Variants in MED15 observed in about 807,000 individuals in gnomAD.
MED15 encodes the protein mediator of RNA polymerase II transcription subunit 15.
MED15 carries 41 observed loss-of-function variants against 118.7 expected under a neutral mutation model. The ratio of observed to expected loss-of-function variants is 0.35; its 90% CI spans 0.27 to 0.45. The LOEUF (loss-of-function observed/expected upper bound fraction) is 0.45. Among genes scored for constraint, MED15 ranks in the 20% least tolerant of loss-of-function variants. MED15 has a pLI of 1.00. For synonymous variants in MED15, 436 were observed against 413.9 expected (o/e 1.05, Z -0.65); for missense variants, 740 against 1,025.5 (o/e 0.72, Z 3.80).
At chr22:20,548,767 G>A (rs2055655276) in intron 2 of MED15, among the ~76,000 whole-genome samples, 1 of 152,150 alleles carries the variant, frequency 6.6e-6, no homozygotes, top group Admixed American at 6.5e-5. Flanking sequence ...TGAGGCACTT[G>A]TGCAAGATTT....
At chr22:20,552,055 A>C (rs569023290) in intron 3 of MED15, among the ~76,000 whole-genome samples, 4 of 152,164 alleles carry the variant, frequency 2.6e-5, no homozygotes, top group Non-Finnish European at 4.4e-5. Flanking sequence ...ATGAGTTGTC[A>C]TTGCATCCTA....
At chr22:20,535,563 CTT>C (rs574158276) in intron 1 of MED15, among the ~76,000 whole-genome samples, 23 of 144,384 alleles carry the variant, frequency 1.6e-4, no homozygotes, top group Non-Finnish European at 9.2e-5. Context: ...TGCTTTCTTT[CTT>C]TTTTTTTTTT....
intron 1 of MED15, among the ~76,000 whole-genome samples, chr22:20,511,382 C>T (rs1391902241): frequency 2.0e-5 from 3 of 151,818 alleles, no homozygotes; most frequent in Non-Finnish European, 2.9e-5. Flanking sequence ...GTCCCAGCTA[C>T]TCTGGAGGCT....
In MED15 at chr22:20,566,802, A is replaced by G. The variant is rs762425492; in HGVS notation, c.1026A>G (p.Gln342=). 4 of 1,613,470 alleles carry G rather than the reference A, an allele frequency of 2.5e-6. No homozygotes were observed. Among genetic ancestry groups the G allele is most frequent in the East Asian group, 4.5e-5 (2 of 44,876 alleles). ...TCCCTGGACAAATGTTGTATACCCAACCACCACTGAAATTTGTGAGTACCT... is the reference window on the plus strand; with the variant it reads ...TCCCTGGACAAATGTTGTATACCCAGCCACCACTGAAATTTGTGAGTACCT... ...QALPGQMLYT[Q]PPLKFVRAPM... The change falls in exon 7 of 18, where the codon CAA becomes CAG. Residue 342 remains glutamine, a synonymous_variant. Transcript: ENST00000263205.
intron 9 of MED15, among the ~76,000 whole-genome samples, chr22:20,575,552 G>A (rs2056798227): frequency 6.6e-6 from 1 of 152,008 alleles, no homozygotes; most frequent in Non-Finnish European, 1.5e-5. Context: ...TAGCCACTAA[G>A]CATGTGTGGC....
At chr22:20,521,010 G>A (rs576056185) in intron 1 of MED15, among the ~76,000 whole-genome samples, 1 of 151,402 alleles carries the variant, frequency 6.6e-6, no homozygotes, top group East Asian at 1.9e-4. Context: ...AGAGTGCTGG[G>A]ATTACAGTCC....
chr22:20,526,147 T>C lies in MED15; in HGVS notation c.69-10970T>C, dbSNP rs112220245. 2.3e-4 allele frequency among the ~76,000 whole-genome samples: 35 copies of C among 152,202 alleles called. 1 individual carries two copies. Among genetic ancestry groups the C allele is most frequent in the East Asian group, 7.7e-4 (4 of 5,186 alleles). Reference sequence around the variant, plus strand: ...TATTGCCCAGGCCAATCTTGAATCTTGAATTCCTGGGCTCAAGCATGAGCC... The same window carrying C: ...TATTGCCCAGGCCAATCTTGAATCTCGAATTCCTGGGCTCAAGCATGAGCC... On this transcript the variant is annotated intron_variant, in intron 1 of 17. Coordinates refer to ENST00000263205, the MANE Select transcript of MED15 (RefSeq NM_001003891.3).
At chr22:20,585,967 C>T in intron 17 of MED15, 141 bp downstream of exon 17, 2 of 756,914 alleles carry the variant, frequency 2.6e-6, no homozygotes, top group South Asian at 1.7e-5. Flanking sequence ...CCTCTTCTGG[C>T]TCCTCCTGCA....
chr22:20,532,866 G>A (rs2054914061), intron 1 of MED15, among the ~76,000 whole-genome samples: 1 of 152,128 alleles, frequency 6.6e-6, no homozygotes, highest in Non-Finnish European at 1.5e-5. Context: ...TCGTCTTCCC[G>A]GCTTGCTTGT....
intron 1 of MED15, chr22:20,508,340 TG>T (rs756774172): frequency 7.7e-7 from 1 of 1,304,138 alleles, no homozygotes; most frequent in African/African-American, 1.5e-5. Flanking sequence ...CTGGGGTCAG[TG>T]GCCCCGCTCA....
Position 20,564,707 on chromosome 22 carries a change from C to G in MED15, c.690+19C>G. The G allele has an allele frequency of 1.2e-6, 2 of 1,614,012 alleles. No individual in the cohort carries two copies. The highest frequency in any genetic ancestry group is 1.7e-6 in the Non-Finnish European group (2 of 1,179,854). On this transcript the variant is annotated intron_variant, in intron 6 of 17. Transcript: ENST00000263205. ...GCAACAGGTACCAGGTCCCCTGTTC[C>G]TGCTCTTGGCCTCCCTCCTGCAGCG...
At chr22:20,534,693 G>A (rs762586775) in intron 1 of MED15, among the ~76,000 whole-genome samples, 2 of 152,172 alleles carry the variant, frequency 1.3e-5, no homozygotes, top group Non-Finnish European at 2.9e-5. Context: ...TATCGTCTCA[G>A]CCTCTGGGTG....
chr22:20,514,608 TA>T (rs1448682047), intron 1 of MED15, among the ~76,000 whole-genome samples: 1 of 152,006 alleles, frequency 6.6e-6, no homozygotes, highest in Non-Finnish European at 1.5e-5. Flanking sequence ...AGAAGGGGCT[TA>T]GGGGGAGCAT....
chr22:20,525,724 C>T (rs551919141), intron 1 of MED15, among the ~76,000 whole-genome samples: 2 of 150,478 alleles, frequency 1.3e-5, no homozygotes, highest in South Asian at 2.1e-4. Context: ...TTAGTAGAGA[C>T]GGGGTTTCTC....
chr22:20,553,336 C>T (rs964256381), intron 4 of MED15, among the ~76,000 whole-genome samples, 162 bp downstream of exon 4: 4 of 152,104 alleles, frequency 2.6e-5, no homozygotes, highest in Non-Finnish European at 5.9e-5. Flanking sequence ...TGTGCCCTGA[C>T]CTCTCCAGCC....
At chr22:20,580,455 G>A (rs146596125) in intron 9 of MED15, among the ~76,000 whole-genome samples, 48 of 152,158 alleles carry the variant, frequency 3.2e-4, no homozygotes, top group East Asian at 9.7e-4. Flanking sequence ...AGGCACAGGC[G>A]CCTCTCTGGA....
At chr22:20,529,495 G>A (rs1459165210) in intron 1 of MED15, among the ~76,000 whole-genome samples, 1 of 152,144 alleles carries the variant, frequency 6.6e-6, no homozygotes, top group Non-Finnish European at 1.5e-5. Flanking sequence ...CTTGATCTTG[G>A]CTCACTGCAA....
intron 17 of MED15, 26 bp from the exon 18 acceptor site, chr22:20,586,542 G>C: frequency 5.6e-6 from 9 of 1,607,146 alleles, no homozygotes; most frequent in Non-Finnish European, 7.7e-6. Flanking sequence ...GGCCGCCTTA[G>C]GTTCACGCCC....
intron 2 of MED15, among the ~76,000 whole-genome samples, chr22:20,540,916 AC>A (rs1038588579): frequency 2.6e-5 from 4 of 151,670 alleles, no homozygotes; most frequent in African/African-American, 9.7e-5. Context: ...AACAACAACA[AC>A]AAAAAGCAAC....
Sources: gnomAD v4.1 joint callset for allele counts (sites outside exome capture counted in the v4.1 genomes callset) on GRCh38, gnomAD v4.1.1 for gene constraint, MANE v1.5 for transcripts, NCBI Gene and HGNC (gene_info 2026-07-23, HGNC 2026-07-21) for gene names.